BCO1: variants seen among roughly 807,000 people sequenced by gnomAD.
BCO1 encodes beta-carotene oxygenase 1, also known as beta,beta-carotene 15,15'-dioxygenase.
In BCO1, 54 loss-of-function variants were observed where a neutral mutation model predicts 56.3. That is an observed-to-expected ratio of 0.96 (90% CI 0.77 to 1.20). The LOEUF (loss-of-function observed/expected upper bound fraction) is 1.20. Among genes scored for constraint, BCO1 ranks in the 50% most tolerant of loss-of-function variants. The pLI, the probability that BCO1 is intolerant of heterozygous loss-of-function variation, is 0.00. For synonymous variants in BCO1, 318 were observed against 266.1 expected, an observed-to-expected ratio of 1.20 and a Z score of -1.90; for missense variants, 801 against 690.9, an observed-to-expected ratio of 1.16 and a Z score of -1.79.
At chr16:81,253,103 T>C (rs1905911673) in intron 2 of BCO1, among the ~76,000 whole-genome samples, 1 of 151,832 alleles carries the variant, frequency 6.6e-6, no homozygotes, top group Admixed American at 6.6e-5. Context: ...AGCAAGATGT[T>C]GTCTCAAATA....
At chr16:81,262,402 C>G (rs983169170) in intron 4 of BCO1, 119 bp downstream of exon 4, 6 of 1,026,232 alleles carry the variant, frequency 5.8e-6, no homozygotes, top group Middle Eastern at 2.2e-4. Flanking sequence ...TCCTCTAACA[C>G]CGTTGGATCC....
intron 1 of BCO1, among the ~76,000 whole-genome samples, chr16:81,242,492 C>T (rs758764487): frequency 6.6e-6 from 1 of 152,116 alleles, no homozygotes; most frequent in Admixed American, 6.6e-5. Context: ...TGAGCCACCG[C>T]GCTGGCCTCG....
chr16:81,251,306 C>T (rs909086572), intron 2 of BCO1, among the ~76,000 whole-genome samples: 3 of 152,106 alleles, frequency 2.0e-5, no homozygotes, highest in Middle Eastern at 3.4e-3. Context: ...TGCCTATAAT[C>T]CCAGCACTTT....
chr16:81,272,028 T>G (rs1201585424), intron 7 of BCO1, among the ~76,000 whole-genome samples: 1 of 152,076 alleles, frequency 6.6e-6, no homozygotes, highest in Non-Finnish European at 1.5e-5. Context: ...GTTTCAGGTG[T>G]GAGCCACAGT....
At chr16:81,254,501 C>A (rs1220049992) in intron 2 of BCO1, among the ~76,000 whole-genome samples, 2 of 149,884 alleles carry the variant, frequency 1.3e-5, no homozygotes, top group Non-Finnish European at 3.0e-5. Context: ...AGGCTGATCT[C>A]GAACACCTAG....
At chr16:81,275,341 G>A (rs1597370083) in intron 7 of BCO1, among the ~76,000 whole-genome samples, 1 of 152,210 alleles carries the variant, frequency 6.6e-6, no homozygotes, top group Admixed American at 6.5e-5. Flanking sequence ...CTTGGCTTCC[G>A]CCCAGACCGG....
At chr16:81,270,030 C>T in intron 6 of BCO1, 129 bp from the exon 7 acceptor site, 1 of 1,196,404 alleles carries the variant, frequency 8.4e-7, no homozygotes, top group Non-Finnish European at 1.2e-6. Context: ...GGAGCACACA[C>T]AGAATGCAGA....
chr16:81,272,677 C>G (rs1236791803), intron 7 of BCO1, among the ~76,000 whole-genome samples: 1 of 152,228 alleles, frequency 6.6e-6, no homozygotes, highest in African/African-American at 2.4e-5. Flanking sequence ...GGCTCCAGAA[C>G]TCACTGACTT....
intron 2 of BCO1, among the ~76,000 whole-genome samples, chr16:81,251,890 G>GTA (rs1555554308): frequency 1.3e-5 from 2 of 150,292 alleles, no homozygotes; most frequent in African/African-American, 4.9e-5. Context: ...GTGTGTGTGT[G>GTA]TATATATATC....
chr16:81,252,935 C>T (rs533826701), intron 2 of BCO1, among the ~76,000 whole-genome samples: 1 of 151,966 alleles, frequency 6.6e-6, no homozygotes, highest in African/African-American at 2.4e-5. Context: ...ATGGTGAAAC[C>T]CCCTCTCTAG....
chr16:81,273,158 T>C lies in BCO1; in HGVS notation c.1101+2742T>C, dbSNP rs558041565. ...CTCATTTTTTGTTTGTTTGTTTGTA[T>C]TTTTAGTAGAGATGGGGTTTCACCA... On this transcript the variant is annotated intron_variant, in intron 7 of 10. Coordinates refer to ENST00000258168, the MANE Select transcript of BCO1 (RefSeq NM_017429.3). 7.2e-5 allele frequency among the ~76,000 whole-genome samples: 11 copies of C among 152,254 alleles called. 1 individual carries two copies. The highest frequency in any genetic ancestry group is 4.2e-4 in the South Asian group (2 of 4,816).
chr16:81,277,522 G>A (rs1397759568), intron 7 of BCO1, among the ~76,000 whole-genome samples: 4 of 152,112 alleles, frequency 2.6e-5, no homozygotes, highest in Admixed American at 1.3e-4. Context: ...GGTGGAAACC[G>A]CCTCACTTAT....
chr16:81,256,522 G>A (rs935009712), intron 2 of BCO1, among the ~76,000 whole-genome samples: 12 of 152,122 alleles, frequency 7.9e-5, no homozygotes, highest in African/African-American at 2.9e-4. Context: ...TGTCATTTGC[G>A]AATTAACAGC....
chr16:81,263,838 G>T (rs186690717), intron 4 of BCO1: 48 of 152,316 alleles, frequency 3.2e-4, no homozygotes, highest in African/African-American at 1.1e-3. Flanking sequence ...ACGTTTTAAC[G>T]ATCTGTTAAA....
intron 1 of BCO1, among the ~76,000 whole-genome samples, chr16:81,240,903 C>T (rs555945873): frequency 5.5e-5 from 8 of 145,458 alleles, no homozygotes; most frequent in South Asian, 4.3e-4. Context: ...GGCGCGATCT[C>T]GGCTCACCAC....
At chr16:81,274,183 G>A (rs528418984) in intron 7 of BCO1, among the ~76,000 whole-genome samples, 3 of 150,234 alleles carry the variant, frequency 2.0e-5, no homozygotes, top group Non-Finnish European at 4.4e-5. Context: ...CACCTTACAA[G>A]ATTTTATAAC....
At position 81,238,856 on chromosome 16, in the gene BCO1, A is replaced by C; in HGVS notation, c.-53A>C. The C allele has an allele frequency of 6.6e-7, 1 of 1,516,816 alleles. No individual in the cohort carries two copies. Among genetic ancestry groups the C allele is most frequent in the Non-Finnish European group, 9.2e-7 (1 of 1,091,630 alleles). 94.0% of individuals were successfully genotyped at this position (1,516,816 alleles called of 1,614,324 possible). A position where few individuals can be genotyped will look rare whatever the true frequency, so the allele number is the denominator to read the frequency against. On this transcript the variant is annotated 5_prime_UTR_variant, in exon 1 of 11. Coordinates refer to ENST00000258168, the MANE Select transcript of BCO1 (RefSeq NM_017429.3). ...GGAGGGAGCAGCATCTCCTGTGAAC[A>C]CAGAGGAGCACCTGTTTGCTGTTAA...
At chr16:81,253,852 A>G (rs1323629237) in intron 2 of BCO1, among the ~76,000 whole-genome samples, 1 of 152,126 alleles carries the variant, frequency 6.6e-6, no homozygotes, top group African/African-American at 2.4e-5. Context: ...AGTCCCAGTT[A>G]CTTGGGAAAC....
intron 2 of BCO1, among the ~76,000 whole-genome samples, chr16:81,248,121 G>A (rs1169183296): frequency 6.6e-6 from 1 of 152,062 alleles, no homozygotes; most frequent in African/African-American, 2.4e-5. Context: ...ATAACTACTG[G>A]CCAGTCGCGA....
Sources: gnomAD v4.1 joint callset for allele counts (sites outside exome capture counted in the v4.1 genomes callset) on GRCh38, gnomAD v4.1.1 for gene constraint, MANE v1.5 for transcripts, NCBI Gene and HGNC (gene_info 2026-07-23, HGNC 2026-07-21) for gene names.